The following NFIC variants were observed in gnomAD, a reference collection of about 807,000 sequenced individuals.
The protein encoded by NFIC is nuclear factor I C, also known as nuclear factor 1 C-type.
A neutral mutation model predicts 54.4 loss-of-function variants in NFIC; 12 were observed. The observed-to-expected ratio is 0.22, with a 90% CI of 0.14 to 0.36. The LOEUF (loss-of-function observed/expected upper bound fraction) is 0.36, where lower values mean the gene tolerates loss of function less well. NFIC is among the 10% of genes least tolerant of loss of function. NFIC has a pLI of 1.00. For synonymous variants in NFIC, 322 were observed against 319.2 expected, an observed-to-expected ratio of 1.01 and a Z score of -0.09; for missense variants, 575 against 718.2, an observed-to-expected ratio of 0.80 and a Z score of 2.28.
Position 3,434,336 on chromosome 19 carries a change from G to T in NFIC, c.769G>T (p.Ala257Ser). Residue 257 changes from alanine to serine, a missense_variant, in exon 5 of 11, where the codon GCA becomes TCA. By Grantham distance (99) the Ala-to-Ser change is moderately conservative. Around this residue, in one of 3 missense-constraint regions of NFIC, gnomAD observed 447 missense variants for 526.9 expected, o/e 0.85. Transcript: ENST00000443272. ...CCTGGGGGAGCTGCAGGGGCACCTG[G>T]CATACGACCTGAACCCAGCCAGCAC... Reference protein sequence around the residue: ...FSLGELQGHLAYDLNPASTGL... With the variant: ...FSLGELQGHLSYDLNPASTGL... 1 of 1,613,342 alleles carries T rather than the reference G, an allele frequency of 6.2e-7. No individual in the cohort carries two copies.
intron 2 of NFIC, among the ~76,000 whole-genome samples, chr19:3,403,356 C>G (rs4806930): frequency 0.97 from 147,120 of 152,306 alleles, 71,058 homozygotes; most frequent in East Asian, 0.99. Flanking sequence ...GTGAGATCTG[C>G]GGCAAGCCCC....
chr19:3,371,757 G>T (rs1177922377), intron 1 of NFIC, among the ~76,000 whole-genome samples: 1 of 151,974 alleles, frequency 6.6e-6, no homozygotes, highest in Non-Finnish European at 1.5e-5. Flanking sequence ...GTGTATTTGC[G>T]CAGCGTAAGC....
chr19:3,416,178 A>T (rs961154767), intron 2 of NFIC, among the ~76,000 whole-genome samples: 4 of 150,864 alleles, frequency 2.7e-5, no homozygotes, highest in African/African-American at 9.7e-5. Flanking sequence ...AAAAAAAAAA[A>T]TCAAGACCAT....
intron 2 of NFIC, among the ~76,000 whole-genome samples, chr19:3,403,843 G>A (rs1044500059): frequency 7.0e-6 from 1 of 141,916 alleles, no homozygotes; most frequent in Non-Finnish European, 1.5e-5. Flanking sequence ...CGCCGCGCCC[G>A]GCTGCCCCCA....
chr19:3,435,375 C>T (rs960715148), intron 6 of NFIC, among the ~76,000 whole-genome samples, 168 bp downstream of exon 6: 1 of 152,210 alleles, frequency 6.6e-6, no homozygotes, highest in East Asian at 1.9e-4. Flanking sequence ...GCTGGAAGTA[C>T]GGTCCGGGTT....
chr19:3,460,466 G>C (rs1378386237), intron 10 of NFIC, among the ~76,000 whole-genome samples: 1 of 152,136 alleles, frequency 6.6e-6, no homozygotes, highest in Admixed American at 6.5e-5. Context: ...CCTTCACGGG[G>C]ATACCGGGGA....
chr19:3,414,008 T>C (rs1373337928), intron 2 of NFIC, among the ~76,000 whole-genome samples: 2 of 152,134 alleles, frequency 1.3e-5, no homozygotes, highest in Non-Finnish European at 2.9e-5. Context: ...GGAGGGATTC[T>C]TGTCTGTCTC....
chr19:3,368,814 G>A (rs959962880), intron 1 of NFIC, among the ~76,000 whole-genome samples: 4 of 152,146 alleles, frequency 2.6e-5, no homozygotes, highest in African/African-American at 7.2e-5. Context: ...CCAAGTCCTG[G>A]CTGCCTGACT....
At chr19:3,418,550 T>G (rs1343629462) in intron 2 of NFIC, among the ~76,000 whole-genome samples, 3 of 152,084 alleles carry the variant, frequency 2.0e-5, no homozygotes, top group Non-Finnish European at 4.4e-5. Context: ...GTTTTAGAGA[T>G]GATTTAAAAT....
At chr19:3,414,325 G>A (rs747881786) in intron 2 of NFIC, among the ~76,000 whole-genome samples, 5 of 152,080 alleles carry the variant, frequency 3.3e-5, no homozygotes, top group Admixed American at 6.6e-5. Flanking sequence ...GGCCGGGCGC[G>A]GTGGCTCACG....
intron 1 of NFIC, among the ~76,000 whole-genome samples, chr19:3,380,228 TC>T (rs1274220373): frequency 6.7e-6 from 1 of 149,442 alleles, no homozygotes; most frequent in African/African-American, 2.5e-5. Flanking sequence ...ATGGTCTCAA[TC>T]TCCTGACCTC....
chr19:3,425,124 G>A lies in NFIC; in HGVS notation c.581G>A (p.Ser194Asn). The change falls in exon 3 of 11, where the codon AGT becomes AAT. Residue 194 changes from serine to asparagine, a missense_variant. This residue lies in a region of NFIC where 447 missense variants were observed against 526.9 expected (regional missense o/e 0.85). Transcript: ENST00000443272. The stretch of plus-strand genomic sequence containing the variant: ...TTTGCAGATGCAGAGCAAAGCGGCA[G>A]TCCCCGGACAGGGATGGGCTCTGAC... ...VRERDAEQSG[S>N]PRTGMGSDQE... The A allele has an allele frequency of 6.2e-7, 1 of 1,613,358 alleles. No homozygotes were observed.
chr19:3,367,319 C>T (rs1268301177), intron 1 of NFIC, among the ~76,000 whole-genome samples: 1 of 152,178 alleles, frequency 6.6e-6, no homozygotes, highest in East Asian at 1.9e-4. Flanking sequence ...GCAAGCCCCC[C>T]AGCACCGTCC....
At chr19:3,401,082 G>A (rs898441665) in intron 2 of NFIC, among the ~76,000 whole-genome samples, 62 of 152,194 alleles carry the variant, frequency 4.1e-4, no homozygotes, top group Non-Finnish European at 2.8e-4. Flanking sequence ...AAGGCCCTGC[G>A]GCAGGACACA....
chr19:3,433,635 AG>A, intron 4 of NFIC, 43 bp downstream of exon 4: 1 of 1,594,188 alleles, frequency 6.3e-7, no homozygotes. Flanking sequence ...TGGAGAGGGG[AG>A]GGGGCCGCAG....
At chr19:3,360,075 G>T (rs1446000113) in intron 1 of NFIC, among the ~76,000 whole-genome samples, 2 of 147,816 alleles carry the variant, frequency 1.4e-5, no homozygotes, top group Middle Eastern at 3.5e-3. Flanking sequence ...CGCAGTCCGT[G>T]GGGGAGCCCG....
intron 10 of NFIC, among the ~76,000 whole-genome samples, chr19:3,457,621 C>T (rs2082579475): frequency 6.6e-6 from 1 of 152,146 alleles, no homozygotes; most frequent in Non-Finnish European, 1.5e-5. Context: ...CAGAGAGAAA[C>T]GAGCTCTGGG....
rs2082660898 is a variant in NFIC at position 3,462,827 on chromosome 19, C to A, written c.*58C>A. On this transcript the variant is annotated 3_prime_UTR_variant, in exon 11 of 11. Transcript: ENST00000443272. The stretch of plus-strand genomic sequence containing the variant: ...GTCCCAGGAATCCCAGGGGGCAGCA[C>A]AGCCGGCCCCCGGCCCACGTTTTCG... 6.2e-7 allele frequency: 1 copy of A among 1,612,776 alleles called. No homozygotes were observed.
chr19:3,380,205 T>C (rs146006206), intron 1 of NFIC, among the ~76,000 whole-genome samples: 3,548 of 150,086 alleles, frequency 0.024, 59 homozygotes, highest in Non-Finnish European at 0.034. Flanking sequence ...GGGGTTTCAC[T>C]GTGTTAGCCA....
Sources: gnomAD v4.1 joint callset for allele counts (sites outside exome capture counted in the v4.1 genomes callset) on GRCh38, gnomAD v4.1.1 for gene constraint, gnomAD v4.1.1 regional missense constraint, MANE v1.5 for transcripts, NCBI Gene and HGNC (gene_info 2026-07-23, HGNC 2026-07-21) for gene names.